NEK11: variants seen among roughly 807,000 people sequenced by gnomAD.
The protein encoded by NEK11 is NIMA related kinase 11.
In NEK11, 72 loss-of-function variants were observed where a neutral mutation model predicts 80.7. That is an observed-to-expected ratio of 0.89 (90% CI 0.74 to 1.08). The LOEUF is 1.08. Ranked by LOEUF, NEK11 falls within the 50% of genes least tolerant of loss-of-function variation. The pLI is 0.00. For synonymous variants in NEK11, 251 were observed against 260.7 expected, an observed-to-expected ratio of 0.96 and a Z score of 0.36; for missense variants, 764 against 763.6, an observed-to-expected ratio of 1.00 and a Z score of -0.01.
rs1374719431 is a variant in NEK11, at chr3:131,029,689, G to A, written c.-20G>A. The A allele has an allele frequency of 2.9e-5, 46 of 1,610,758 alleles. No individual in the cohort carries two copies. In the East Asian group the frequency reaches 5.1e-4, roughly 18 times the overall value. On this transcript the variant is annotated 5_prime_UTR_variant, in exon 3 of 18. Coordinates refer to ENST00000383366, the MANE Select transcript of NEK11 (RefSeq NM_024800.5). ...TAAGTTTCTATAAATGAATGAACCAGTTCTCTCTTGTTTGGAGCAATGCTG... is the reference window on the plus strand; with the variant it reads ...TAAGTTTCTATAAATGAATGAACCAATTCTCTCTTGTTTGGAGCAATGCTG...
rs62282232 is a variant in NEK11, at chr3:131,076,534, A to G, written c.171-3889A>G. The stretch of plus-strand genomic sequence containing the variant: ...GAAAAATCTTAAAACCCCTGATTAT[A>G]TTTCATAATCTCTCTTTGTAAAACA... On this transcript the variant is annotated intron_variant, in intron 3 of 17. Transcript: ENST00000383366. 1.0e-3 allele frequency among the ~76,000 whole-genome samples: 153 copies of G among 152,310 alleles called. 1 individual carries two copies. The highest frequency in any genetic ancestry group is 3.3e-3 in the African/African-American group (137 of 41,572).
chr3:131,078,653 A>C (rs2074772097), intron 3 of NEK11, among the ~76,000 whole-genome samples: 1 of 152,202 alleles, frequency 6.6e-6, no homozygotes. Flanking sequence ...TGTTTGAATT[A>C]CTGAGAAGTT....
chr3:131,040,146 C>G (rs769977826), intron 3 of NEK11, among the ~76,000 whole-genome samples: 44 of 152,060 alleles, frequency 2.9e-4, no homozygotes, highest in Admixed American at 2.7e-3. Flanking sequence ...ATTGAATTTC[C>G]ATTCCGTAGT....
At chr3:131,255,263 G>T (rs2095795834) in intron 16 of NEK11, among the ~76,000 whole-genome samples, 1 of 152,030 alleles carries the variant, frequency 6.6e-6, no homozygotes, top group African/African-American at 2.4e-5. Flanking sequence ...GAAGTTAGAG[G>T]TCATCTTCTG....
At chr3:131,269,162 G>A (rs1418520590) in intron 16 of NEK11, among the ~76,000 whole-genome samples, 1 of 152,230 alleles carries the variant, frequency 6.6e-6, no homozygotes, top group Non-Finnish European at 1.5e-5. Flanking sequence ...CTGCTGTGCT[G>A]GCAGTGCAAA....
At chr3:131,210,771 T>C (rs1188084843) in intron 14 of NEK11, among the ~76,000 whole-genome samples, 2 of 152,236 alleles carry the variant, frequency 1.3e-5, no homozygotes, top group Non-Finnish European at 2.9e-5. Context: ...TTAAAGTCTG[T>C]TTTATCAGAA....
At position 131,155,026 on chromosome 3, in the gene NEK11, T is replaced by C. The variant is rs1253473629; in HGVS notation, c.877-10T>C. 9.6e-6 allele frequency: 15 copies of C among 1,557,662 alleles called. No homozygotes were observed. The highest frequency in any genetic ancestry group is 1.3e-5 in the Non-Finnish European group (15 of 1,129,234). On this transcript the variant is annotated splice_polypyrimidine_tract_variant and intron_variant, in intron 9 of 17. Transcript: ENST00000383366. ...CCTTTAAGATATGTCAGGGTTGATC[T>C]TTTTTTCAGAACCTAATGTGTAGAT...
At chr3:131,340,420 ATAAT>A (rs1397698245) in intron 17 of NEK11, among the ~76,000 whole-genome samples, 2 of 152,314 alleles carry the variant, frequency 1.3e-5, no homozygotes, top group Non-Finnish European at 2.9e-5. Flanking sequence ...ATAGAGATAA[ATAAT>A]TAGAGGGTAC....
At chr3:131,225,276 G>GAGCA (rs1368924841) in intron 14 of NEK11, among the ~76,000 whole-genome samples, 3 of 152,202 alleles carry the variant, frequency 2.0e-5, no homozygotes, top group African/African-American at 7.2e-5. Context: ...GCTGTACAGG[G>GAGCA]TTGTAGCCTA....
intron 15 of NEK11, among the ~76,000 whole-genome samples, chr3:131,232,979 GGGAAGGAAGGAA>G (rs55987547): frequency 0.17 from 23,035 of 132,602 alleles, 2,113 homozygotes; most frequent in Middle Eastern, 0.28. Context: ...TATATTTGAG[GGGAAGGAAGGAA>G]GGAAGGAAGG....
chr3:131,340,086 T>C (rs572753835), intron 17 of NEK11, among the ~76,000 whole-genome samples: 13 of 152,194 alleles, frequency 8.5e-5, no homozygotes, highest in African/African-American at 1.2e-4. Flanking sequence ...TATTGGACAA[T>C]TGGGGGAAAT....
chr3:131,135,093 C>G lies in NEK11; in HGVS notation c.647+1137C>G, dbSNP rs555936279. 1.5e-3 allele frequency among the ~76,000 whole-genome samples: 222 copies of G among 152,202 alleles called. 2 individuals are homozygous for G. Among genetic ancestry groups the G allele is most frequent in the Non-Finnish European group, 1.2e-3 (85 of 68,016 alleles). ...GACAAAGTAGAAAATTACATTTTCT[C>G]TGGTTAGGGAAAAGTGAATCACAAC... On this transcript the variant is annotated intron_variant, in intron 7 of 17. Coordinates refer to ENST00000383366, the MANE Select transcript of NEK11 (RefSeq NM_024800.5).
At chr3:131,248,287 G>C (rs914250793) in intron 16 of NEK11, among the ~76,000 whole-genome samples, 17 of 151,996 alleles carry the variant, frequency 1.1e-4, no homozygotes, top group Middle Eastern at 3.4e-3. Context: ...ATTTATAGAA[G>C]GTTTTATCAT....
At chr3:131,266,616 T>A (rs1193797485) in intron 16 of NEK11, among the ~76,000 whole-genome samples, 24 of 152,206 alleles carry the variant, frequency 1.6e-4, no homozygotes, top group Non-Finnish European at 4.4e-5. Context: ...AGGAGTGTTT[T>A]TACTTCCAAT....
intron 17 of NEK11, among the ~76,000 whole-genome samples, chr3:131,298,815 C>T (rs2096629594): frequency 6.6e-6 from 1 of 151,978 alleles, no homozygotes; most frequent in East Asian, 1.9e-4. Flanking sequence ...AGGAAATTCT[C>T]AGGCATTATT....
intron 5 of NEK11, among the ~76,000 whole-genome samples, chr3:131,130,574 G>A (rs1191977952): frequency 2.0e-5 from 3 of 152,104 alleles, no homozygotes; most frequent in Non-Finnish European, 4.4e-5. Context: ...CTGTAGGTTT[G>A]TTATAAATAT....
chr3:131,075,527 TC>T (rs1330826830), intron 3 of NEK11, among the ~76,000 whole-genome samples: 2 of 152,202 alleles, frequency 1.3e-5, no homozygotes, highest in African/African-American at 2.4e-5. Flanking sequence ...TATATCTTTT[TC>T]ATGCCCCTTT....
At chr3:131,061,426 A>G (rs1043716791) in intron 3 of NEK11, among the ~76,000 whole-genome samples, 2 of 151,638 alleles carry the variant, frequency 1.3e-5, no homozygotes, top group African/African-American at 4.9e-5. Context: ...ATGTTATGCT[A>G]TTTCTATACC....
intron 14 of NEK11, among the ~76,000 whole-genome samples, chr3:131,216,832 G>A (rs928523738): frequency 6.6e-6 from 1 of 152,228 alleles, no homozygotes; most frequent in Non-Finnish European, 1.5e-5. Context: ...CCCACTAAAT[G>A]TTACGGTGAT....
Sources: allele counts gnomAD v4.1 joint callset (sites outside exome capture counted in the v4.1 genomes callset), GRCh38; gene constraint gnomAD v4.1.1; transcripts MANE v1.5; gene names NCBI Gene and HGNC (gene_info 2026-07-23, HGNC 2026-07-21).